Variants in CTNNA1 observed in about 807,000 individuals in gnomAD.
CTNNA1 encodes catenin alpha 1, also known as catenin alpha-1.
Under a neutral mutation model 98.4 loss-of-function variants are expected in CTNNA1, and 37 were observed. That is an observed-to-expected ratio of 0.38 (90% CI 0.29 to 0.49). The LOEUF (loss-of-function observed/expected upper bound fraction) is 0.49. CTNNA1 is among the 20% of genes least tolerant of loss of function. CTNNA1 has a pLI of 0.95. For synonymous variants in CTNNA1, 404 were observed against 413.2 expected, an observed-to-expected ratio of 0.98 and a Z score of 0.27; for missense variants, 761 against 1,147.2, an observed-to-expected ratio of 0.66 and a Z score of 4.86.
chr5:138,806,767 T>C (rs1758123347), intron 3 of CTNNA1, among the ~76,000 whole-genome samples: 1 of 151,876 alleles, frequency 6.6e-6, no homozygotes, highest in Admixed American at 6.6e-5. Flanking sequence ...AATTATATAT[T>C]AATATATAAT....
intron 3 of CTNNA1, among the ~76,000 whole-genome samples, chr5:138,786,187 G>T (rs1234067180): frequency 6.6e-6 from 1 of 151,634 alleles, no homozygotes; most frequent in Non-Finnish European, 1.5e-5. Context: ...CTTCTCTTTG[G>T]AAAAAAAGAG....
intron 16 of CTNNA1, chr5:138,932,300 AG>A: frequency 8.2e-7 from 1 of 1,214,156 alleles, no homozygotes; most frequent in South Asian, 2.7e-5. Flanking sequence ...CCGTCATAGG[AG>A]GGAAGTCAGT....
intron 3 of CTNNA1, among the ~76,000 whole-genome samples, chr5:138,801,388 C>T (rs1411596014): frequency 3.3e-5 from 5 of 152,162 alleles, no homozygotes; most frequent in Admixed American, 2.0e-4. Context: ...CATGATATAC[C>T]TAACTTTCTC....
intron 7 of CTNNA1, among the ~76,000 whole-genome samples, chr5:138,882,538 G>A (rs762921195): frequency 5.3e-5 from 8 of 152,104 alleles, no homozygotes; most frequent in Non-Finnish European, 1.2e-4. Flanking sequence ...TATTTGTTTC[G>A]TGCAGTCAGG....
intron 3 of CTNNA1, among the ~76,000 whole-genome samples, chr5:138,787,988 T>C (rs981291144): frequency 2.0e-5 from 3 of 152,256 alleles, no homozygotes; most frequent in African/African-American, 7.2e-5. Flanking sequence ...TCTAAGAGTT[T>C]AATTGTACTA....
chr5:138,783,480 C>T (rs1755361269), intron 3 of CTNNA1, 108 bp downstream of exon 3: 6 of 867,674 alleles, frequency 6.9e-6, no homozygotes, highest in South Asian at 3.7e-5. Context: ...TTGCCAATTG[C>T]TCAGTAACTT....
intron 1 of CTNNA1, among the ~76,000 whole-genome samples, chr5:138,776,377 C>T (rs1249152266): frequency 6.6e-6 from 1 of 152,194 alleles, no homozygotes; most frequent in African/African-American, 2.4e-5. Flanking sequence ...CACCGATCAA[C>T]AGGATCACAA....
chr5:138,782,451 T>C (rs1755226013), intron 2 of CTNNA1: 1 of 349,466 alleles, frequency 2.9e-6, no homozygotes, highest in African/African-American at 2.1e-5. Context: ...AATGTCACAA[T>C]GTTAGGGTAG....
intron 7 of CTNNA1, among the ~76,000 whole-genome samples, chr5:138,838,704 T>G (rs1762014411): frequency 6.6e-6 from 1 of 152,210 alleles, no homozygotes; most frequent in African/African-American, 2.4e-5. Context: ...GTGGTATAGA[T>G]TTCCCTAATC....
At chr5:138,815,040 C>T (rs1315624642) in intron 5 of CTNNA1, among the ~76,000 whole-genome samples, 2 of 152,204 alleles carry the variant, frequency 1.3e-5, no homozygotes, top group African/African-American at 2.4e-5. Flanking sequence ...GCATGAGCCA[C>T]CACACTCTGT....
chr5:138,909,325 C>G (rs1371769546), intron 10 of CTNNA1, among the ~76,000 whole-genome samples: 2 of 151,580 alleles, frequency 1.3e-5, no homozygotes, highest in Non-Finnish European at 2.9e-5. Context: ...TATGAAGCCT[C>G]TACTTATCTA....
At chr5:138,860,015 T>C (rs1022937769) in intron 7 of CTNNA1, among the ~76,000 whole-genome samples, 3 of 151,888 alleles carry the variant, frequency 2.0e-5, no homozygotes, top group Admixed American at 2.0e-4. Context: ...TGTGCATGCG[T>C]GTGTGTGTGT....
At chr5:138,805,196 C>T (rs28745571) in intron 3 of CTNNA1, among the ~76,000 whole-genome samples, 1,816 of 152,314 alleles carry the variant, frequency 0.012, 38 homozygotes, top group African/African-American at 0.036. Flanking sequence ...CCACTCATCT[C>T]CCACCAGGCC....
rs540196149 is a variant in CTNNA1 at position 138,929,055 on chromosome 5, G to A, written c.1900-191G>A. The stretch of plus-strand genomic sequence containing the variant: ...CCTGCTGTGGGCCAGGCAGCCCAGC[G>A]TGTGCACCAGTGAAGCAGAGGCTCG... On this transcript the variant is annotated intron_variant, in intron 13 of 17. Coordinates refer to ENST00000302763, the MANE Select transcript of CTNNA1 (RefSeq NM_001903.5). 9.8e-5 allele frequency among the ~76,000 whole-genome samples: 15 copies of A among 152,332 alleles called. No individual in the cohort carries two copies. In the South Asian group the frequency reaches 2.1e-3, roughly 21 times the overall value.
Position 138,874,954 on chromosome 5 carries a change from G to T in CTNNA1, c.1063-11258G>T. The T allele has an allele frequency of 6.2e-7, 1 of 1,611,956 alleles. No homozygotes were observed. Among genetic ancestry groups the T allele is most frequent in the Non-Finnish European group, 8.5e-7 (1 of 1,178,684 alleles). On this transcript the variant is annotated intron_variant, in intron 7 of 17. Coordinates refer to ENST00000302763, the MANE Select transcript of CTNNA1 (RefSeq NM_001903.5). This position sits in a 1 kb window ranked among gnomAD's most constrained non-coding sequence, Gnocchi z 4.1. Reference sequence around the variant, plus strand: ...AGGCTGCATTCAGTCGCGGTTGTTAGACTCAACGCAGTGAGTCTGTAAAAG... The same window carrying T: ...AGGCTGCATTCAGTCGCGGTTGTTATACTCAACGCAGTGAGTCTGTAAAAG...
At chr5:138,780,011 G>C (rs1465860858) in intron 1 of CTNNA1, among the ~76,000 whole-genome samples, 1 of 151,974 alleles carries the variant, frequency 6.6e-6, no homozygotes, top group Non-Finnish European at 1.5e-5. Context: ...ATAATTTATT[G>C]AGTGATCTGT....
At chr5:138,757,660 G>T (rs1207954751) in intron 1 of CTNNA1, among the ~76,000 whole-genome samples, 1 of 152,122 alleles carries the variant, frequency 6.6e-6, no homozygotes, top group African/African-American at 2.4e-5. Flanking sequence ...CGTTATTATT[G>T]ATGTACCTGT....
intron 7 of CTNNA1, among the ~76,000 whole-genome samples, chr5:138,835,458 T>TTA (rs2149803419): frequency 6.6e-6 from 1 of 152,268 alleles, no homozygotes; most frequent in East Asian, 1.9e-4. Flanking sequence ...AGTCCATAGT[T>TTA]CTGTAGAGGC....
At position 138,927,087 on chromosome 5, in the gene CTNNA1, A is replaced by G. The variant is rs1764228785; in HGVS notation, c.1899+1680A>G. Among the ~76,000 whole-genome samples, 7 of 152,258 alleles carry G rather than the reference A, an allele frequency of 4.6e-5. No individual in the cohort carries two copies. The Middle Eastern group carries it at 0.014, about 298-fold the overall frequency. On this transcript the variant is annotated intron_variant, in intron 13 of 17. Coordinates refer to ENST00000302763, the MANE Select transcript of CTNNA1 (RefSeq NM_001903.5). ...CCTGAACATGTTCTCACCCTCGTCT[A>G]AGCCACCAGCACCTCTCACCCGGGT... is the stretch of plus-strand genomic sequence containing the variant.
Sources: allele counts gnomAD v4.1 joint callset (sites outside exome capture counted in the v4.1 genomes callset), GRCh38; gene constraint gnomAD v4.1.1; non-coding constraint Gnocchi (gnomAD v3.1); transcripts MANE v1.5; gene names NCBI Gene and HGNC (gene_info 2026-07-23, HGNC 2026-07-21).